Variants in OSBPL6 observed in about 807,000 individuals in gnomAD.
OSBPL6 encodes the protein oxysterol-binding protein-related protein 6.
A neutral mutation model predicts 125.8 loss-of-function variants in OSBPL6; 49 were observed. The ratio of observed to expected loss-of-function variants is 0.39; its 90% CI spans 0.31 to 0.49. The LOEUF (loss-of-function observed/expected upper bound fraction) is 0.49. Ranked by LOEUF, OSBPL6 falls within the 20% of genes least tolerant of loss-of-function variation. OSBPL6 has a pLI of 0.88. For missense variants in OSBPL6, 986 were observed against 1,135.4 expected (o/e 0.87, Z 1.89); for synonymous variants, 394 against 391.8 (o/e 1.01, Z -0.07).
chr2:178,356,431 C>T (rs1189416182), intron 12 of OSBPL6, among the ~76,000 whole-genome samples: 1 of 152,032 alleles, frequency 6.6e-6, no homozygotes, highest in African/African-American at 2.4e-5. Context: ...ACAAGCATTC[C>T]TATACACCAA....
intron 1 of OSBPL6, among the ~76,000 whole-genome samples, chr2:178,233,680 G>A (rs903238766): frequency 2.0e-5 from 3 of 152,176 alleles, no homozygotes; most frequent in African/African-American, 7.2e-5. Flanking sequence ...TTCAGTCGAT[G>A]TTCAGTACCT....
chr2:178,316,815 G>A (rs1387252686), intron 3 of OSBPL6, among the ~76,000 whole-genome samples: 6 of 152,148 alleles, frequency 3.9e-5, no homozygotes, highest in Admixed American at 3.9e-4. Flanking sequence ...TAAGGGACTT[G>A]AGGATTTGTG....
intron 1 of OSBPL6, among the ~76,000 whole-genome samples, chr2:178,247,342 GA>G (rs1041350245): frequency 1.3e-5 from 2 of 152,138 alleles, no homozygotes; most frequent in Admixed American, 1.3e-4. Context: ...ATGCTTGTGT[GA>G]GGATATTTAA....
At chr2:178,316,694 A>G (rs1473242632) in intron 3 of OSBPL6, among the ~76,000 whole-genome samples, 1 of 152,180 alleles carries the variant, frequency 6.6e-6, no homozygotes, top group Non-Finnish European at 1.5e-5. Flanking sequence ...CAGTATAACA[A>G]CTACTTACAT....
intron 3 of OSBPL6, among the ~76,000 whole-genome samples, chr2:178,316,620 G>A (rs765532057): frequency 2.0e-5 from 3 of 152,250 alleles, no homozygotes; most frequent in South Asian, 2.1e-4. Context: ...TGTAACTGCC[G>A]TGGATTGAAA....
chr2:178,333,090 A>T, intron 8 of OSBPL6, 49 bp downstream of exon 8: 1 of 1,603,888 alleles, frequency 6.2e-7, no homozygotes. Flanking sequence ...TTAGAAAATT[A>T]TGCAAATTTT....
In OSBPL6 at chr2:178,320,083, G is replaced by A. The variant is rs568502698; in HGVS notation, c.103-4094G>A. On this transcript the variant is annotated intron_variant, in intron 3 of 24. Transcript: ENST00000190611. The stretch of plus-strand genomic sequence containing the variant: ...TGAAATTTAAGTAAGTAAATGACAA[G>A]ATCCCTATTCAACAGATCTCCTGGA... 1.8e-4 allele frequency among the ~76,000 whole-genome samples: 27 copies of A among 152,272 alleles called. No homozygotes were observed. In the East Asian group the frequency reaches 5.0e-3, roughly 28 times the overall value.
intron 9 of OSBPL6, among the ~76,000 whole-genome samples, chr2:178,337,854 T>C (rs543373096): frequency 6.6e-6 from 1 of 152,242 alleles, no homozygotes; most frequent in South Asian, 2.1e-4. Flanking sequence ...ATCACAAATA[T>C]TAGGGAGTAT....
rs139699722 is a variant in OSBPL6, at chr2:178,349,379, C to A, written c.1143C>A (p.Ile381=). Residue 381 remains isoleucine (I), a synonymous_variant, in exon 12 of 25, where the codon ATC becomes ATA. Transcript: ENST00000190611. ...AGCTGCAAGAAGAATTTTGTCTAAT[C>A]GCACAGAAAGGTAAGAACAAAAATA... ...YTKLQEEFCL[I]AQKVHSLLKS... 6.2e-7 allele frequency: 1 copy of A among 1,614,006 alleles called. No individual in the cohort carries two copies.
chr2:178,207,405 A>G (rs2089596728), intron 1 of OSBPL6, among the ~76,000 whole-genome samples: 1 of 152,182 alleles, frequency 6.6e-6, no homozygotes, highest in Admixed American at 6.5e-5. Context: ...CACTTGGATT[A>G]TCCAGGATAA....
At chr2:178,320,530 T>C in intron 3 of OSBPL6, 1 of 915,032 alleles carries the variant, frequency 1.1e-6, no homozygotes, top group Non-Finnish European at 1.7e-6. Context: ...TACATAACCC[T>C]TTATTTAACT....
At chr2:178,196,457 G>A (rs994222852) in intron 1 of OSBPL6, among the ~76,000 whole-genome samples, 2 of 152,102 alleles carry the variant, frequency 1.3e-5, no homozygotes, top group Admixed American at 6.5e-5. Context: ...TACCTTTGGC[G>A]GTACCTCAGT....
In OSBPL6 at chr2:178,384,262, G is replaced by A. The variant is rs1028599311; in HGVS notation, c.2013+86G>A. 2.6e-6 allele frequency: 4 copies of A among 1,509,812 alleles called. No individual in the cohort carries two copies. The African/African-American group carries it at 4.1e-5, about 16-fold the overall frequency. 93.5% of individuals were successfully genotyped at this position (1,509,812 alleles called of 1,614,324 possible). On this transcript the variant is annotated intron_variant, in intron 18 of 24. Transcript: ENST00000190611. ...AGCACCATTTCGATAACAATCTGTT[G>A]GGATGGGTTATGATACCAGTTGTGA...
intron 12 of OSBPL6, among the ~76,000 whole-genome samples, chr2:178,351,845 G>A (rs1691290666): frequency 6.6e-6 from 1 of 152,176 alleles, no homozygotes; most frequent in South Asian, 2.1e-4. Context: ...TTTGAGGGTG[G>A]AGGGTGGGAG....
At chr2:178,300,845 G>T (rs973622406) in intron 2 of OSBPL6, among the ~76,000 whole-genome samples, 1 of 152,112 alleles carries the variant, frequency 6.6e-6, no homozygotes, top group South Asian at 2.1e-4. Context: ...ACTTTAAAAG[G>T]AGAATTATAT....
At chr2:178,344,459 C>A in intron 11 of OSBPL6, 1 of 1,165,130 alleles carries the variant, frequency 8.6e-7, no homozygotes, top group Non-Finnish European at 1.3e-6. Flanking sequence ...TGTGTGATGG[C>A]ATCACCTGTA....
At chr2:178,221,634 C>A (rs1157727268) in intron 1 of OSBPL6, among the ~76,000 whole-genome samples, 1 of 152,194 alleles carries the variant, frequency 6.6e-6, no homozygotes, top group Non-Finnish European at 1.5e-5. Context: ...TCAGTAAGCA[C>A]CGTCTATCAG....
At chr2:178,393,835 A>AGG (rs1695614694) in intron 23 of OSBPL6, among the ~76,000 whole-genome samples, 1 of 152,136 alleles carries the variant, frequency 6.6e-6, no homozygotes, top group Non-Finnish European at 1.5e-5. Context: ...CTCTCCAGTA[A>AGG]AACAGGAAAG....
chr2:178,307,204 C>T (rs1686841329), intron 3 of OSBPL6, among the ~76,000 whole-genome samples: 1 of 152,136 alleles, frequency 6.6e-6, no homozygotes, highest in South Asian at 2.1e-4. Context: ...GGAGTGTGAG[C>T]ATCAGTTATT....
Sources: allele counts gnomAD v4.1 joint callset (sites outside exome capture counted in the v4.1 genomes callset), GRCh38; gene constraint gnomAD v4.1.1; transcripts MANE v1.5; gene names NCBI Gene and HGNC (gene_info 2026-07-23, HGNC 2026-07-21).